The following MYH14 variants were observed in gnomAD, a reference collection of about 807,000 sequenced individuals.
MYH14 encodes the protein myosin-14.
A neutral mutation model predicts 255.5 loss-of-function variants in MYH14; 123 were observed. The observed-to-expected ratio is 0.48, with a 90% CI of 0.42 to 0.56. The LOEUF is 0.56. Among genes scored for constraint, MYH14 ranks in the 20% least tolerant of loss-of-function variants. MYH14 has a pLI of 0.00. For synonymous variants in MYH14, 1,095 were observed against 1,161.2 expected, an observed-to-expected ratio of 0.94 and a Z score of 1.16; for missense variants, 2,423 against 2,802.3, an observed-to-expected ratio of 0.86 and a Z score of 3.06.
chr19:50,281,812 C>A lies in MYH14; in HGVS notation c.4509C>A (p.Thr1503=), dbSNP rs1393264526. ...DLEQQRQLVS[T]LEKKQRKFDQ... ...AGCAGCAGCGGCAGCTTGTGAGCAC[C>A]CTGGAGAAGAAGCAGCGCAAGTTTG... Residue 1503 remains threonine, a synonymous_variant, in exon 33 of 43, where the codon ACC becomes ACA. Coordinates refer to ENST00000642316, the MANE Select transcript of MYH14 (RefSeq NM_001145809.2). 12 of 1,612,452 alleles carry A rather than the reference C, an allele frequency of 7.4e-6. No homozygotes were observed. Among genetic ancestry groups the A allele is most frequent in the Non-Finnish European group, 1.0e-5 (12 of 1,179,600 alleles).
At chr19:50,286,417 C>A in intron 33 of MYH14, 65 bp from the exon 34 acceptor site, 2 of 1,450,534 alleles carry the variant, frequency 1.4e-6, no homozygotes, top group East Asian at 2.4e-5. Context: ...TCCCTCTTCC[C>A]GTTCCCTTGT....
At chr19:50,245,435 AGAAGAAAGAAAG>A (rs764555695) in intron 11 of MYH14, among the ~76,000 whole-genome samples, 61,597 of 120,810 alleles carry the variant, frequency 0.51, 18,044 homozygotes, top group Non-Finnish European at 0.61. Context: ...AAAAAAAAGA[AGAAGAAAGAAAG>A]AAAAAGAAGA....
rs1048705015 is a variant in MYH14 at position 50,309,965 on chromosome 19, T to C, written c.*175T>C. 1.1e-5 allele frequency: 8 copies of C among 722,720 alleles called. No homozygotes were observed. In the East Asian group the frequency reaches 1.9e-4, roughly 17 times the overall value. 44.8% of individuals were successfully genotyped at this position (722,720 alleles called of 1,614,324 possible). A position where few individuals can be genotyped will look rare whatever the true frequency, so the allele number is the denominator to read the frequency against. ...TCCCCTGCAACCTCCCATCAAAGGATGACCCCTAAACACAGAGGAGCGGGG... is the reference window on the plus strand; with the variant it reads ...TCCCCTGCAACCTCCCATCAAAGGACGACCCCTAAACACAGAGGAGCGGGG... On this transcript the variant is annotated 3_prime_UTR_variant, in exon 43 of 43. Coordinates refer to ENST00000642316, the MANE Select transcript of MYH14 (RefSeq NM_001145809.2).
At chr19:50,273,290 CAAAAAAAA>C (rs778739770) in intron 27 of MYH14, among the ~76,000 whole-genome samples, 53 of 78,622 alleles carry the variant, frequency 6.7e-4, no homozygotes, top group Admixed American at 1.2e-3. Flanking sequence ...GACTATGTCT[CAAAAAAAA>C]AAAAAAAAAA....
In MYH14 at chr19:50,293,248, G is replaced by A. The variant is rs2036147624; in HGVS notation, c.5272G>A (p.Asp1758Asn). ...ATCATCACAGGAACTGGCCGCCTCG[G>A]ACCGTGCTCGGCGGCAGGCCCAGCA... is the stretch of plus-strand genomic sequence containing the variant. Reference protein sequence around the residue: ...LRLQEELAASDRARRQAQQDR... With the variant: ...LRLQEELAASNRARRQAQQDR... The change falls in exon 38 of 43, where the codon GAC becomes AAC. Residue 1758 changes from aspartate (D) to asparagine (N), a missense_variant. Physicochemically the swap from Asp to Asn is conservative, Grantham distance 23. This residue lies in a region of MYH14 where 1,513 missense variants were observed against 1,674.8 expected (regional missense o/e 0.90). Transcript: ENST00000642316. This position sits in a 1 kb window ranked among gnomAD's most constrained non-coding sequence, Gnocchi z 4.1. 4.4e-6 allele frequency: 7 copies of A among 1,607,398 alleles called. No homozygotes were observed. The highest frequency in any genetic ancestry group is 5.9e-6 in the Non-Finnish European group (7 of 1,177,264).
At chr19:50,222,979 C>A in intron 3 of MYH14, 104 bp from the exon 4 acceptor site, 1 of 1,147,678 alleles carries the variant, frequency 8.7e-7, no homozygotes, top group Non-Finnish European at 1.3e-6. Context: ...CTTTTCCTTA[C>A]TCCCTGGGAA....
At chr19:50,222,479 CAAAAAAAAAA>C (rs542179852) in intron 3 of MYH14, among the ~76,000 whole-genome samples, 8 of 69,866 alleles carry the variant, frequency 1.1e-4, no homozygotes, top group Admixed American at 3.3e-4. Flanking sequence ...GACTCCGTCT[CAAAAAAAAAA>C]AAAAAAAAAA....
chr19:50,210,549 C>T lies in MYH14; in HGVS notation c.184C>T (p.Leu62Phe). ...ARRLVWVPSE[L>F]HGFEAAALRD... ...GCGTCTCGTGTGGGTGCCTTCGGAGCTTCACGGGTTCGAGGCGGCGGCGCT... is the reference window on the plus strand; with the variant it reads ...GCGTCTCGTGTGGGTGCCTTCGGAGTTTCACGGGTTCGAGGCGGCGGCGCT... Residue 62 changes from leucine to phenylalanine, a missense_variant, in exon 2 of 43, where the codon CTT (leucine) becomes TTT (phenylalanine). By Grantham distance (22) the Leu-to-Phe change is conservative. Coordinates refer to ENST00000642316, the MANE Select transcript of MYH14 (RefSeq NM_001145809.2). 4 of 1,582,752 alleles carry T rather than the reference C, an allele frequency of 2.5e-6. No individual in the cohort carries two copies. Among genetic ancestry groups the T allele is most frequent in the Non-Finnish European group, 3.4e-6 (4 of 1,165,682 alleles).
chr19:50,223,949 A>G (rs1210909545), intron 5 of MYH14, among the ~76,000 whole-genome samples: 1 of 152,114 alleles, frequency 6.6e-6, no homozygotes, highest in Non-Finnish European at 1.5e-5. Flanking sequence ...CGCTACAAAA[A>G]ACATTTTTGA....
intron 23 of MYH14, 103 bp from the exon 24 acceptor site, chr19:50,268,058 G>T: frequency 7.0e-7 from 1 of 1,432,872 alleles, no homozygotes; most frequent in Non-Finnish European, 9.3e-7. Flanking sequence ...GTCCTGCCCT[G>T]GAGAACTTAA....
chr19:50,250,703 C>G lies in MYH14; in HGVS notation c.1830+15C>G, dbSNP rs375264072. 7 of 1,603,936 alleles carry G rather than the reference C, an allele frequency of 4.4e-6. No homozygotes were observed. The highest frequency in any genetic ancestry group is 2.7e-5 in the African/African-American group (2 of 74,880). ...ACGCGGGCAAGGTAGGGGCTGGGGC[C>G]GGCCTTGGGGCATGTGGGAGTGGGG... On this transcript the variant is annotated intron_variant, in intron 15 of 42. Coordinates refer to ENST00000642316, the MANE Select transcript of MYH14 (RefSeq NM_001145809.2). This position sits in a 1 kb window ranked among gnomAD's most constrained non-coding sequence, Gnocchi z 5.4.
At chr19:50,271,338 G>A (rs542147146) in intron 24 of MYH14, 71 bp from the exon 25 acceptor site, 129 of 1,514,384 alleles carry the variant, frequency 8.5e-5, no homozygotes, top group Admixed American at 2.6e-4. Context: ...AGCCATCCCC[G>A]CTCCCATCCT....
chr19:50,256,806 A>G (rs992168619), intron 17 of MYH14, among the ~76,000 whole-genome samples: 1 of 151,166 alleles, frequency 6.6e-6, no homozygotes, highest in Non-Finnish European at 1.5e-5. Flanking sequence ...GATTCCTAAA[A>G]TGCAACTGCA....
intron 17 of MYH14, 30 bp downstream of exon 17, chr19:50,255,348 G>T (rs2123327860): frequency 1.3e-6 from 2 of 1,513,130 alleles, no homozygotes; most frequent in East Asian, 4.9e-5. Flanking sequence ...GATGGGTGAG[G>T]CTTGCTGGAG....
intron 20 of MYH14, 70 bp downstream of exon 20, chr19:50,260,785 GTGTGTGCATGCATA>G (rs1210914365): frequency 2.5e-4 from 290 of 1,166,428 alleles, no homozygotes; most frequent in South Asian, 9.0e-4. Context: ...GCGTGCATGT[GTGTGTGCATGCATA>G]TGTGTGCATG....
rs923476598 is a variant in MYH14 at position 50,248,525 on chromosome 19, G to A, written c.1330-462G>A. On this transcript the variant is annotated intron_variant, in intron 12 of 42. Transcript: ENST00000642316. ...GGTACCTGGATGAAGACCCCGTGGG[G>A]GAGATGAGGAGTCTGGGAGCCACAC... Among the ~76,000 whole-genome samples, 8 of 152,174 alleles carry A rather than the reference G, an allele frequency of 5.3e-5. 1 individual carries two copies. The East Asian group carries it at 1.2e-3, about 22-fold the overall frequency.
chr19:50,305,195 C>T (rs1233527627), intron 40 of MYH14, among the ~76,000 whole-genome samples: 1 of 151,666 alleles, frequency 6.6e-6, no homozygotes, highest in Non-Finnish European at 1.5e-5. Context: ...AGGAGGGAGA[C>T]TGGAAGCTGG....
At chr19:50,207,996 G>T (rs2031910537) in intron 1 of MYH14, among the ~76,000 whole-genome samples, 1 of 152,026 alleles carries the variant, frequency 6.6e-6, no homozygotes, top group Admixed American at 6.5e-5. Flanking sequence ...ATCTCCCTTG[G>T]GTCTTCATTT....
chr19:50,210,936 G>T (rs752207975), intron 2 of MYH14, among the ~76,000 whole-genome samples, 166 bp downstream of exon 2: 1 of 152,186 alleles, frequency 6.6e-6, no homozygotes, highest in Non-Finnish European at 1.5e-5. Flanking sequence ...TGAATTGTTG[G>T]ATTACTAGGA....
Sources: gnomAD v4.1 joint callset for allele counts (sites outside exome capture counted in the v4.1 genomes callset) on GRCh38, gnomAD v4.1.1 for gene constraint, gnomAD v4.1.1 regional missense constraint, Gnocchi (gnomAD v3.1) non-coding constraint, MANE v1.5 for transcripts, NCBI Gene and HGNC (gene_info 2026-07-23, HGNC 2026-07-21) for gene names.